Variants in RPS6KB1 observed in about 807,000 individuals in gnomAD.
The protein encoded by RPS6KB1 is ribosomal protein S6 kinase beta-1.
Under a neutral mutation model 70.2 loss-of-function variants are expected in RPS6KB1, and 12 were observed. That is an observed-to-expected ratio of 0.17 (90% CI 0.11 to 0.28). The LOEUF (loss-of-function observed/expected upper bound fraction) is 0.28, where lower values mean the gene tolerates loss of function less well. Ranked by LOEUF, RPS6KB1 falls within the 10% of genes least tolerant of loss-of-function variation. The probability of loss-of-function intolerance (pLI) is 1.00; values close to 1 mark genes in which losing one functional copy is unlikely to be tolerated. For synonymous variants in RPS6KB1, 175 were observed against 211.2 expected, an observed-to-expected ratio of 0.83 and a Z score of 1.49; for missense variants, 270 against 646.6, an observed-to-expected ratio of 0.42 and a Z score of 6.32.
intron 4 of RPS6KB1, among the ~76,000 whole-genome samples, chr17:59,919,805 C>G (rs989509550): frequency 7.9e-5 from 12 of 152,054 alleles, no homozygotes; most frequent in African/African-American, 2.4e-4. Context: ...CACCTTCTGC[C>G]TTCTACAGTC....
chr17:59,929,194 G>A (rs1316565968), intron 5 of RPS6KB1, among the ~76,000 whole-genome samples: 1 of 150,706 alleles, frequency 6.6e-6, no homozygotes, highest in South Asian at 2.1e-4. Context: ...GCAGTGGCAC[G>A]ATCTCAGCTC....
At chr17:59,929,757 T>C (rs2043832710) in intron 5 of RPS6KB1, among the ~76,000 whole-genome samples, 1 of 152,230 alleles carries the variant, frequency 6.6e-6, no homozygotes, top group Admixed American at 6.5e-5. Flanking sequence ...GTGATTTAAT[T>C]GTAGACTATC....
intron 1 of RPS6KB1, chr17:59,894,057 T>C (rs1227653831): frequency 7.0e-5 from 47 of 668,016 alleles, no homozygotes; most frequent in Non-Finnish European, 7.6e-5. Context: ...ATAATTAATG[T>C]AATTTTGAGG....
rs2044929343 is a variant in RPS6KB1, at chr17:59,946,427, A to G, written c.1341-124A>G. On this transcript the variant is annotated intron_variant, in intron 14 of 14. Transcript: ENST00000225577. This position sits in a 1 kb window ranked among gnomAD's most constrained non-coding sequence, Gnocchi z 4.2. ...TCAATTTTTGCCTTTGTGCTAATCC[A>G]CGTGAAAATAAAATTAAATGAAAAT... 2.5e-6 allele frequency: 2 copies of G among 807,136 alleles called. No individual in the cohort carries two copies. Among genetic ancestry groups the G allele is most frequent in the Non-Finnish European group, 4.1e-6 (2 of 490,422 alleles). 50.0% of individuals were successfully genotyped at this position (807,136 alleles called of 1,614,324 possible).
chr17:59,947,057 C>T lies in RPS6KB1; in HGVS notation c.*269C>T, dbSNP rs2044970870. The T allele has an allele frequency of 7.8e-7, 1 of 1,284,002 alleles. No individual in the cohort carries two copies. Among genetic ancestry groups the T allele is most frequent in the Non-Finnish European group, 9.9e-7 (1 of 1,007,334 alleles). The allele number at this position is 1,284,002 out of a possible 1,614,324, so 79.5% of individuals were successfully genotyped here. A position where few individuals can be genotyped will look rare whatever the true frequency, so the allele number is the denominator to read the frequency against. On this transcript the variant is annotated 3_prime_UTR_variant, in exon 15 of 15. Coordinates refer to ENST00000225577, the MANE Select transcript of RPS6KB1 (RefSeq NM_003161.4). ...TCTTCTCAACCTTATCAAGGATTTTCATGTTGATGACTCGAAACTGACAGT... is the reference window on the plus strand; with the variant it reads ...TCTTCTCAACCTTATCAAGGATTTTTATGTTGATGACTCGAAACTGACAGT...
intron 4 of RPS6KB1, among the ~76,000 whole-genome samples, chr17:59,916,769 T>A (rs1188251409): frequency 1.3e-5 from 2 of 152,176 alleles, no homozygotes; most frequent in Admixed American, 1.3e-4. Context: ...ATTTTTTCCC[T>A]TTTTCTTAGT....
chr17:59,937,325 G>T (rs1361908607), intron 12 of RPS6KB1, among the ~76,000 whole-genome samples: 3 of 152,090 alleles, frequency 2.0e-5, no homozygotes, highest in Non-Finnish European at 2.9e-5. Context: ...TTTTAAATAT[G>T]ATTCTCTGGG....
rs1316123575 is a variant in RPS6KB1, at chr17:59,946,039, T to A, written c.1341-512T>A. On this transcript the variant is annotated intron_variant, in intron 14 of 14. Coordinates refer to ENST00000225577, the MANE Select transcript of RPS6KB1 (RefSeq NM_003161.4). The surrounding 1 kb of genome is among the most constrained non-coding windows in gnomAD (Gnocchi z 4.2). ...TCAGAGAAAGGCCTCCCTGGTGTAG[T>A]AACATCTAGCAGTGAACGGAAAGAG... Among the ~76,000 whole-genome samples, 1 of 152,104 alleles carries A rather than the reference T, an allele frequency of 6.6e-6. No homozygotes were observed. The highest frequency in any genetic ancestry group is 1.5e-5 in the Non-Finnish European group (1 of 68,014).
intron 1 of RPS6KB1, among the ~76,000 whole-genome samples, chr17:59,901,875 C>G (rs982764036): frequency 8.6e-5 from 13 of 151,362 alleles, no homozygotes; most frequent in East Asian, 1.9e-4. Flanking sequence ...AAAAAATTAT[C>G]CGTCTTGGTG....
intron 7 of RPS6KB1, among the ~76,000 whole-genome samples, chr17:59,933,352 T>A (rs916294927): frequency 1.3e-5 from 2 of 152,142 alleles, no homozygotes; most frequent in African/African-American, 4.8e-5. Context: ...AGGGGAGCGA[T>A]AGAATAGTTA....
chr17:59,916,064 A>C (rs1311697471), intron 4 of RPS6KB1, among the ~76,000 whole-genome samples: 1 of 151,432 alleles, frequency 6.6e-6, no homozygotes, highest in Non-Finnish European at 1.5e-5. Context: ...GGCATGAGCC[A>C]CCATGCCCAG....
chr17:59,941,231 T>C (rs1007506811), intron 13 of RPS6KB1, among the ~76,000 whole-genome samples: 3 of 152,026 alleles, frequency 2.0e-5, no homozygotes, highest in Non-Finnish European at 4.4e-5. Flanking sequence ...GCTTAGCATC[T>C]CAACCAAAAA....
intron 1 of RPS6KB1, among the ~76,000 whole-genome samples, chr17:59,910,310 A>G (rs1193629895): frequency 2.0e-5 from 3 of 152,058 alleles, no homozygotes; most frequent in African/African-American, 7.2e-5. Flanking sequence ...CTTCATAGCT[A>G]TTGACTGCAT....
intron 1 of RPS6KB1, among the ~76,000 whole-genome samples, chr17:59,896,699 G>C (rs1407030809): frequency 6.6e-6 from 1 of 152,168 alleles, no homozygotes; most frequent in Non-Finnish European, 1.5e-5. Context: ...CGATTTTGGG[G>C]AGAGAAAGTC....
intron 1 of RPS6KB1, among the ~76,000 whole-genome samples, chr17:59,903,728 A>G (rs754240339): frequency 6.6e-6 from 1 of 152,120 alleles, no homozygotes; most frequent in East Asian, 1.9e-4. Context: ...TTTATCATCT[A>G]TTATCCTAGT....
In RPS6KB1 at chr17:59,936,458, T is replaced by C. The variant is rs562275058; in HGVS notation, c.1042-6T>C. 37 of 1,613,436 alleles carry C rather than the reference T, an allele frequency of 2.3e-5. No homozygotes were observed. The highest frequency in any genetic ancestry group is 8.3e-5 in the Admixed American group (5 of 59,958). The stretch of plus-strand genomic sequence containing the variant: ...TCAACTTTTCTTCCTGCTTTTTTTT[T>C]CCTAGGCTCATCCATTCTTTAGACA... On this transcript the variant is annotated splice_polypyrimidine_tract_variant and splice_region_variant and intron_variant, in intron 11 of 14. Coordinates refer to ENST00000225577, the MANE Select transcript of RPS6KB1 (RefSeq NM_003161.4).
intron 13 of RPS6KB1, among the ~76,000 whole-genome samples, chr17:59,942,413 C>T (rs1434099555): frequency 6.6e-6 from 1 of 152,178 alleles, no homozygotes; most frequent in East Asian, 1.9e-4. Context: ...GGATTTATAT[C>T]AGAAGACCAT....
At chr17:59,900,820 GTATATTT>G (rs1330360764) in intron 1 of RPS6KB1, among the ~76,000 whole-genome samples, 4 of 151,920 alleles carry the variant, frequency 2.6e-5, no homozygotes, top group Non-Finnish European at 5.9e-5. Flanking sequence ...GTGACTTTGA[GTATATTT>G]ACAGAGTTGT....
rs549947796 is a variant in RPS6KB1, at chr17:59,919,620, C to T, written c.381+4917C>T. The stretch of plus-strand genomic sequence containing the variant: ...TCAACACGCGGACTTTCACTAAACT[C>T]GAGTTTTTACATTAGTACTTTACTC... On this transcript the variant is annotated intron_variant, in intron 4 of 14. Transcript: ENST00000225577. 7.8e-4 allele frequency among the ~76,000 whole-genome samples: 119 copies of T among 152,026 alleles called. 1 individual carries two copies. The highest frequency in any genetic ancestry group is 1.4e-3 in the Non-Finnish European group (97 of 68,002).
Sources: gnomAD v4.1 joint callset for allele counts (sites outside exome capture counted in the v4.1 genomes callset) on GRCh38, gnomAD v4.1.1 for gene constraint, Gnocchi (gnomAD v3.1) non-coding constraint, MANE v1.5 for transcripts, NCBI Gene and HGNC (gene_info 2026-07-23, HGNC 2026-07-21) for gene names.